Variants in NDST4 observed in about 807,000 individuals in gnomAD.
The protein encoded by NDST4 is N-deacetylase and N-sulfotransferase 4.
Under a neutral mutation model 100.8 loss-of-function variants are expected in NDST4, and 63 were observed. That is an observed-to-expected ratio of 0.62 (90% CI 0.51 to 0.77). The LOEUF is 0.77. NDST4 is among the 30% of genes least tolerant of loss of function. NDST4 has a pLI of 0.00. For missense variants in NDST4, 943 were observed against 1,018.4 expected, an observed-to-expected ratio of 0.93 and a Z score of 1.01; for synonymous variants, 377 against 361.8, an observed-to-expected ratio of 1.04 and a Z score of -0.48.
intron 1 of NDST4, among the ~76,000 whole-genome samples, chr4:115,090,371 T>C (rs989803110): frequency 2.4e-4 from 37 of 151,838 alleles, no homozygotes; most frequent in African/African-American, 8.5e-4. Context: ...TAGAAGATAA[T>C]TTATTATAAG....
intron 2 of NDST4, among the ~76,000 whole-genome samples, chr4:115,015,289 T>C (rs147667601): frequency 6.6e-4 from 101 of 152,228 alleles, no homozygotes; most frequent in African/African-American, 2.0e-3. Flanking sequence ...GGTTTACAGA[T>C]GGTTCTGTGT....
intron 2 of NDST4, among the ~76,000 whole-genome samples, chr4:115,036,622 C>T (rs1027411175): frequency 1.3e-5 from 2 of 151,822 alleles, no homozygotes; most frequent in African/African-American, 4.8e-5. Flanking sequence ...ATATAATGCA[C>T]AGATGTCAAA....
intron 3 of NDST4, among the ~76,000 whole-genome samples, chr4:114,976,856 T>G (rs902962940): frequency 1.3e-5 from 2 of 151,956 alleles, no homozygotes; most frequent in African/African-American, 4.8e-5. Flanking sequence ...TCAGTTATTA[T>G]TAGTAGTATT....
intron 2 of NDST4, among the ~76,000 whole-genome samples, chr4:114,986,804 A>G (rs1396165012): frequency 1.1e-4 from 3 of 28,418 alleles, no homozygotes; most frequent in African/African-American, 2.2e-4. Context: ...ATATATATAT[A>G]TATATATATA....
intron 2 of NDST4, among the ~76,000 whole-genome samples, chr4:115,009,426 C>G (rs1200082023): frequency 7.8e-6 from 1 of 127,538 alleles, no homozygotes; most frequent in Non-Finnish European, 1.7e-5. Flanking sequence ...GAAAAACAAG[C>G]AATGGGGAAA....
At chr4:115,091,616 T>C (rs565596941) in intron 1 of NDST4, among the ~76,000 whole-genome samples, 1 of 152,260 alleles carries the variant, frequency 6.6e-6, no homozygotes, top group South Asian at 2.1e-4. Flanking sequence ...AGTTATATTT[T>C]AAAGTTGTCA....
intron 2 of NDST4, among the ~76,000 whole-genome samples, chr4:115,055,433 G>T (rs1728673859): frequency 6.6e-6 from 1 of 151,938 alleles, no homozygotes; most frequent in Admixed American, 6.6e-5. Flanking sequence ...CCATTGTTAG[G>T]TTGCTAAATA....
At chr4:114,927,291 T>C (rs1258701624) in intron 6 of NDST4, among the ~76,000 whole-genome samples, 1 of 151,822 alleles carries the variant, frequency 6.6e-6, no homozygotes, top group African/African-American at 2.4e-5. Context: ...TATAAGAACA[T>C]AGAAATCACG....
intron 2 of NDST4, among the ~76,000 whole-genome samples, chr4:115,070,571 G>C (rs1729053611): frequency 6.6e-6 from 1 of 152,034 alleles, no homozygotes; most frequent in Admixed American, 6.6e-5. Flanking sequence ...TATATATCTT[G>C]AGTTTTTAGG....
intron 6 of NDST4, among the ~76,000 whole-genome samples, chr4:114,932,526 C>T (rs1725536834): frequency 6.6e-6 from 1 of 151,862 alleles, no homozygotes. Context: ...AAAAAAAAGA[C>T]ATCCAAATTG....
chr4:115,080,637 AT>A (rs1729281194), intron 1 of NDST4, among the ~76,000 whole-genome samples: 1 of 140,728 alleles, frequency 7.1e-6, no homozygotes, highest in Non-Finnish European at 1.5e-5. Context: ...TCATATGTAA[AT>A]TTTTTAAATA....
chr4:115,011,482 A>G (rs375255584), intron 2 of NDST4, among the ~76,000 whole-genome samples: 51 of 151,334 alleles, frequency 3.4e-4, no homozygotes, highest in African/African-American at 1.1e-3. Context: ...TTTTCCTGCA[A>G]TCTCCAGTAC....
At chr4:115,051,499 G>A (rs77014690) in intron 2 of NDST4, among the ~76,000 whole-genome samples, 7,120 of 152,026 alleles carry the variant, frequency 0.047, 484 homozygotes, top group African/African-American at 0.15. Flanking sequence ...CCACATATGA[G>A]TGAAAGCATG....
intron 9 of NDST4, among the ~76,000 whole-genome samples, 193 bp downstream of exon 9, chr4:114,848,019 ATAT>A (rs1723591834): frequency 1.3e-5 from 2 of 152,206 alleles, no homozygotes; most frequent in African/African-American, 2.4e-5. Context: ...TAGCAGAAAA[ATAT>A]TATCATTATT....
chr4:114,942,972 G>A (rs1337237306), intron 4 of NDST4, among the ~76,000 whole-genome samples: 3 of 147,892 alleles, frequency 2.0e-5, no homozygotes, highest in Non-Finnish European at 4.5e-5. Context: ...TTTATTTTTA[G>A]ATGAGTAGAA....
chr4:115,024,596 C>T (rs1041879683), intron 2 of NDST4, among the ~76,000 whole-genome samples: 14 of 152,080 alleles, frequency 9.2e-5, no homozygotes, highest in Non-Finnish European at 2.1e-4. Context: ...AGACTTAAAG[C>T]TGGAGGAAAT....
chr4:115,042,909 G>C (rs894907770), intron 2 of NDST4, among the ~76,000 whole-genome samples: 6 of 151,976 alleles, frequency 3.9e-5, no homozygotes, highest in Non-Finnish European at 7.4e-5. Context: ...TCATTATTAT[G>C]TATTTAGGTC....
chr4:115,031,381 G>A (rs6813054), intron 2 of NDST4, among the ~76,000 whole-genome samples: 14,438 of 152,032 alleles, frequency 0.095, 2,117 homozygotes, highest in African/African-American at 0.31. Context: ...CACTGCTTGA[G>A]TGGAATTTTT....
rs142454380 is a variant in NDST4, at chr4:114,929,376, A to G, written c.1536+5830T>C. Among the ~76,000 whole-genome samples the G allele has an allele frequency of 1.9e-3, 283 of 152,302 alleles. 1 individual carries two copies. The highest frequency in any genetic ancestry group is 6.2e-3 in the African/African-American group (257 of 41,570). ...TTTTGAGCAACATTGTTCCTTAAAC[A>G]GTCATCTTTATGGACTAGTGCTTGC... On this transcript the variant is annotated intron_variant, in intron 6 of 13. Coordinates refer to ENST00000264363, the MANE Select transcript of NDST4 (RefSeq NM_022569.3).
Sources: gnomAD v4.1 joint callset for allele counts (sites outside exome capture counted in the v4.1 genomes callset) on GRCh38, gnomAD v4.1.1 for gene constraint, MANE v1.5 for transcripts, NCBI Gene and HGNC (gene_info 2026-07-23, HGNC 2026-07-21) for gene names.